OLFML1: variants seen among roughly 807,000 people sequenced by gnomAD.
OLFML1 encodes the protein olfactomedin-like protein 1.
Under a neutral mutation model 37.3 loss-of-function variants are expected in OLFML1, and 33 were observed. That is an observed-to-expected ratio of 0.88 (90% CI 0.67 to 1.18). OLFML1 has a LOEUF of 1.18. Among genes scored for constraint, OLFML1 ranks in the 50% most tolerant of loss-of-function variants. The probability of loss-of-function intolerance (pLI) is 0.00; values close to 1 mark genes in which losing one functional copy is unlikely to be tolerated. For missense variants in OLFML1, 545 were observed against 483.7 expected (o/e 1.13, Z -1.19); for synonymous variants, 186 against 181.3 (o/e 1.03, Z -0.21).
chr11:7,497,919 C>T (rs1848682315), intron 2 of OLFML1, among the ~76,000 whole-genome samples: 2 of 152,176 alleles, frequency 1.3e-5, no homozygotes, highest in African/African-American at 4.8e-5. Context: ...GAATTTTATA[C>T]AGTTCCTGTT....
intron 2 of OLFML1, among the ~76,000 whole-genome samples, chr11:7,490,804 GA>G (rs1308593886): frequency 6.6e-6 from 1 of 152,140 alleles, no homozygotes; most frequent in Non-Finnish European, 1.5e-5. Flanking sequence ...GACTGAGTAG[GA>G]CATGTCTGCA....
chr11:7,510,184 AG>A lies in OLFML1; in HGVS notation c.1206del (p.Lys402AsnfsTer7). ...CAGACAAAGAGAAAGCTGCCTCTGAAGTAATGCATTACAGCTGTGAGAAAGA... is the reference window on the plus strand; with the variant it reads ...CAGACAAAGAGAAAGCTGCCTCTGAATAATGCATTACAGCTGTGAGAAAGA... ...KLQTKRKLPL[K>X] is the part of the protein sequence containing the mutation. On this transcript the variant is annotated frameshift_variant, in exon 3 of 3. Transcript: ENST00000329293. LOFTEE classifies it high-confidence loss of function. 1 of 1,603,272 alleles carries A rather than the reference AG, an allele frequency of 6.2e-7. No homozygotes were observed. The highest frequency in any genetic ancestry group is 8.5e-7 in the Non-Finnish European group (1 of 1,178,620).
Position 7,488,216 on chromosome 11 carries a change from A to G in OLFML1, c.219A>G (p.Arg73=). ...AAAATATATCTGTCATGCTGGGAAG[A>G]TGTCAGACCTACACAAGTGAGTACA... is the stretch of plus-strand genomic sequence containing the variant. ...FSKNISVMLG[R]CQTYTSEYKS... Residue 73 remains arginine, a synonymous_variant, in exon 2 of 3, where the codon AGA becomes AGG. Transcript: ENST00000329293. The G allele has an allele frequency of 6.2e-7, 1 of 1,613,926 alleles. No homozygotes were observed. The highest frequency in any genetic ancestry group is 8.5e-7 in the Non-Finnish European group (1 of 1,179,926).
chr11:7,498,965 C>A (rs1848691443), intron 2 of OLFML1, among the ~76,000 whole-genome samples: 1 of 152,154 alleles, frequency 6.6e-6, no homozygotes, highest in African/African-American at 2.4e-5. Flanking sequence ...TCCCTCTGTC[C>A]TTCCCCATCC....
At chr11:7,501,804 T>C (rs1197348900) in intron 2 of OLFML1, among the ~76,000 whole-genome samples, 2 of 152,208 alleles carry the variant, frequency 1.3e-5, no homozygotes, top group Non-Finnish European at 2.9e-5. Context: ...ATTTAGACTT[T>C]AGAAAAATAT....
Position 7,485,951 on chromosome 11 carries a change from A to G in OLFML1, c.76A>G (p.Thr26Ala), listed in dbSNP as rs118163706. 102,080 of 1,611,454 alleles carry G rather than the reference A, an allele frequency of 0.063. 3,851 individuals are homozygous for G. Among genetic ancestry groups the G allele is most frequent in the Non-Finnish European group, 0.075 (88,335 of 1,178,090 alleles). The part of the protein sequence containing the change: ...LAAFLPPPQC[T>A]QDPAMVHYIY... ...AGCTTTTCTGCCCCCGCCGCAGTGTACCCAGGACCCAGCCATGGTGCATTA... is the reference window on the plus strand; with the variant it reads ...AGCTTTTCTGCCCCCGCCGCAGTGTGCCCAGGACCCAGCCATGGTGCATTA... The change falls in exon 1 of 3, where the codon ACC becomes GCC. Residue 26 changes from threonine (T) to alanine (A), a missense_variant. Coordinates refer to ENST00000329293, the MANE Select transcript of OLFML1 (RefSeq NM_198474.4).
Position 7,510,262 on chromosome 11 carries a change from C to T in OLFML1, c.*74C>T. ...CAGGACAGTGAGGCTATAGCCCCTT[C>T]ACAATATAGTATCCCTCTAATCACA... On this transcript the variant is annotated 3_prime_UTR_variant, in exon 3 of 3. Transcript: ENST00000329293. The T allele has an allele frequency of 8.6e-7, 1 of 1,165,200 alleles. No individual in the cohort carries two copies. The highest frequency in any genetic ancestry group is 1.5e-5 in the South Asian group (1 of 66,480). 72.2% of individuals were successfully genotyped at this position (1,165,200 alleles called of 1,614,324 possible).
chr11:7,498,112 A>G (rs906713220), intron 2 of OLFML1, among the ~76,000 whole-genome samples: 2 of 152,238 alleles, frequency 1.3e-5, no homozygotes, highest in Non-Finnish European at 1.5e-5. Flanking sequence ...AGGGCGATAT[A>G]TACTGTGTCC....
chr11:7,509,166 A>AT (rs1189800070), intron 2 of OLFML1, among the ~76,000 whole-genome samples: 1 of 152,182 alleles, frequency 6.6e-6, no homozygotes, highest in Non-Finnish European at 1.5e-5. Flanking sequence ...CTGGGATTTA[A>AT]ATGCCCTTTT....
intron 2 of OLFML1, among the ~76,000 whole-genome samples, chr11:7,494,090 GTT>G (rs1848634112): frequency 6.6e-6 from 1 of 152,210 alleles, no homozygotes; most frequent in Non-Finnish European, 1.5e-5. Context: ...CTCAAGCTGA[GTT>G]TTAATCATGG....
chr11:7,500,818 T>A (rs1848714311), intron 2 of OLFML1, among the ~76,000 whole-genome samples: 1 of 151,868 alleles, frequency 6.6e-6, no homozygotes, highest in Non-Finnish European at 1.5e-5. Context: ...GAGGATTGGT[T>A]GAGGCCAGGA....
At chr11:7,506,751 G>A (rs1848791227) in intron 2 of OLFML1, among the ~76,000 whole-genome samples, 2 of 152,276 alleles carry the variant, frequency 1.3e-5, no homozygotes, top group African/African-American at 4.8e-5. Context: ...CATAACTAGG[G>A]GTTGATGGGT....
intron 2 of OLFML1, among the ~76,000 whole-genome samples, chr11:7,494,812 C>T (rs1848641327): frequency 6.6e-6 from 1 of 152,188 alleles, no homozygotes; most frequent in Admixed American, 6.5e-5. Flanking sequence ...GAAGTTCTAG[C>T]TGTTCCTGAT....
At chr11:7,494,504 A>C (rs532203538) in intron 2 of OLFML1, among the ~76,000 whole-genome samples, 3 of 152,380 alleles carry the variant, frequency 2.0e-5, no homozygotes, top group African/African-American at 7.2e-5. Context: ...CTGAAAGGAT[A>C]GGTTATTTGT....
chr11:7,500,521 A>T (rs1848708183), intron 2 of OLFML1, among the ~76,000 whole-genome samples: 1 of 152,196 alleles, frequency 6.6e-6, no homozygotes, highest in South Asian at 2.1e-4. Context: ...AGAGGACCCC[A>T]TCCCCACGCT....
intron 2 of OLFML1, among the ~76,000 whole-genome samples, chr11:7,499,444 CA>C (rs1290478310): frequency 6.6e-6 from 1 of 152,242 alleles, no homozygotes; most frequent in African/African-American, 2.4e-5. Context: ...TTTACTTGAA[CA>C]CTGTAAATAT....
chr11:7,487,536 T>A (rs1848538836), intron 1 of OLFML1, among the ~76,000 whole-genome samples: 2 of 152,250 alleles, frequency 1.3e-5, no homozygotes, highest in Admixed American at 1.3e-4. Context: ...GTTCAGCAAA[T>A]ATTTATTGAA....
chr11:7,509,217 TC>T (rs1362824207), intron 2 of OLFML1, among the ~76,000 whole-genome samples, 180 bp from the exon 3 acceptor site: 1 of 152,236 alleles, frequency 6.6e-6, no homozygotes, highest in African/African-American at 2.4e-5. Flanking sequence ...GCATTTTCGC[TC>T]TAGGATTTTC....
intron 2 of OLFML1, among the ~76,000 whole-genome samples, chr11:7,500,681 T>A (rs1848710378): frequency 6.6e-6 from 1 of 151,800 alleles, no homozygotes; most frequent in Non-Finnish European, 1.5e-5. Flanking sequence ...CCCACCAATA[T>A]ATATAATTAT....
Sources: gnomAD v4.1 joint callset for allele counts (sites outside exome capture counted in the v4.1 genomes callset) on GRCh38, gnomAD v4.1.1 for gene constraint, MANE v1.5 for transcripts, NCBI Gene and HGNC (gene_info 2026-07-23, HGNC 2026-07-21) for gene names.